Variants in PDE4D observed in about 807,000 individuals in gnomAD.
PDE4D encodes the protein 3',5'-cyclic-AMP phosphodiesterase 4D.
A neutral mutation model predicts 87.4 loss-of-function variants in PDE4D; 24 were observed. The observed-to-expected ratio is 0.27, with a 90% CI of 0.20 to 0.39. The LOEUF (loss-of-function observed/expected upper bound fraction) is 0.39, where lower values mean the gene tolerates loss of function less well. Among genes scored for constraint, PDE4D ranks in the 10% least tolerant of loss-of-function variants. The pLI, the probability that PDE4D is intolerant of heterozygous loss-of-function variation, is 1.00. For missense variants in PDE4D, 714 were observed against 1,041.0 expected (o/e 0.69, Z 4.32); for synonymous variants, 384 against 383.2 (o/e 1.00, Z -0.02).
At chr5:59,606,021 C>T (rs1014047476) in intron 1 of PDE4D, among the ~76,000 whole-genome samples, 8 of 151,898 alleles carry the variant, frequency 5.3e-5, no homozygotes, top group African/African-American at 1.9e-4. Flanking sequence ...TAAATAAGAA[C>T]AGTTGATATA....
chr5:60,343,664 T>C (rs1583476869), intron 1 of PDE4D, among the ~76,000 whole-genome samples: 2 of 152,040 alleles, frequency 1.3e-5, no homozygotes, highest in Non-Finnish European at 2.9e-5. Flanking sequence ...GCTACAAGAC[T>C]GGAGGGTCGA....
intron 1 of PDE4D, among the ~76,000 whole-genome samples, chr5:59,253,973 C>T (rs1760481283): frequency 6.6e-6 from 1 of 152,066 alleles, no homozygotes; most frequent in African/African-American, 2.4e-5. Flanking sequence ...ACTAATTTAA[C>T]CAAAGGCAGA....
intron 1 of PDE4D, chr5:59,275,277 T>C (rs1243195895): frequency 1.5e-6 from 2 of 1,310,562 alleles, no homozygotes; most frequent in Non-Finnish European, 2.2e-6. Context: ...TACTAAATAC[T>C]CAAGGAGTAC....
intron 1 of PDE4D, among the ~76,000 whole-genome samples, chr5:60,340,071 C>T (rs952487460): frequency 6.6e-6 from 1 of 152,212 alleles, no homozygotes; most frequent in African/African-American, 2.4e-5. Flanking sequence ...GTGCATGTGG[C>T]TTTGGAGCGC....
chr5:60,005,236 G>T (rs1764361775), intron 2 of PDE4D, among the ~76,000 whole-genome samples: 1 of 152,114 alleles, frequency 6.6e-6, no homozygotes, highest in Admixed American at 6.6e-5. Context: ...TTGCTTATAT[G>T]TGTAATCTAA....
chr5:59,933,514 C>T (rs1447520404), intron 3 of PDE4D, among the ~76,000 whole-genome samples: 1 of 152,170 alleles, frequency 6.6e-6, no homozygotes. Context: ...AGGGCTCCTA[C>T]TATGTGCCAA....
intron 5 of PDE4D, among the ~76,000 whole-genome samples, chr5:59,133,140 G>C (rs1202236720): frequency 6.6e-6 from 1 of 151,998 alleles, no homozygotes; most frequent in Admixed American, 6.6e-5. Context: ...TGAAAATGCT[G>C]TCACATGCAT....
At chr5:60,318,608 T>G (rs1053219046) in intron 1 of PDE4D, among the ~76,000 whole-genome samples, 1 of 152,212 alleles carries the variant, frequency 6.6e-6, no homozygotes, top group African/African-American at 2.4e-5. Flanking sequence ...GGCATGTTTT[T>G]GCAGTGGCTG....
intron 1 of PDE4D, among the ~76,000 whole-genome samples, chr5:59,289,996 A>C (rs1255734232): frequency 6.6e-6 from 1 of 151,964 alleles, no homozygotes; most frequent in Non-Finnish European, 1.5e-5. Context: ...TCTATCAACT[A>C]TCAAATACTA....
intron 1 of PDE4D, among the ~76,000 whole-genome samples, chr5:59,752,319 T>C (rs1760598124): frequency 6.6e-6 from 1 of 152,222 alleles, no homozygotes; most frequent in Admixed American, 6.5e-5. Context: ...TTTTGTTAAA[T>C]ATATCATTTG....
At chr5:59,897,613 C>G (rs1009307269), upstream of PDE4D, among the ~76,000 whole-genome samples, 2 of 152,006 alleles carry the variant, frequency 1.3e-5, no homozygotes, top group Non-Finnish European at 2.9e-5. Flanking sequence ...CATCCCACCC[C>G]CCGACAGGCC....
At chr5:59,871,107 G>A (rs1276545841) in intron 1 of PDE4D, among the ~76,000 whole-genome samples, 1 of 152,084 alleles carries the variant, frequency 6.6e-6, no homozygotes, top group Non-Finnish European at 1.5e-5. Context: ...TTAACCAGTG[G>A]AATATGGCAA....
chr5:59,116,137 T>A (rs573581496), intron 5 of PDE4D, among the ~76,000 whole-genome samples: 2 of 152,288 alleles, frequency 1.3e-5, no homozygotes, highest in Middle Eastern at 6.8e-3. Flanking sequence ...TTGTCCAAAT[T>A]CATTAGCAAC....
intron 1 of PDE4D, among the ~76,000 whole-genome samples, chr5:60,434,327 A>G (rs1345668004): frequency 6.6e-6 from 1 of 152,208 alleles, no homozygotes; most frequent in East Asian, 1.9e-4. Context: ...AGACTTTCAT[A>G]AGTGATGGGG....
intron 6 of PDE4D, among the ~76,000 whole-genome samples, chr5:58,995,764 A>C (rs1442509851): frequency 1.3e-5 from 2 of 152,196 alleles, no homozygotes; most frequent in African/African-American, 2.4e-5. Context: ...CCTCTTTCTC[A>C]AATCCCATAA....
intron 1 of PDE4D, among the ~76,000 whole-genome samples, chr5:60,330,081 C>G (rs1757183437): frequency 6.6e-6 from 1 of 152,090 alleles, no homozygotes; most frequent in Non-Finnish European, 1.5e-5. Context: ...TGACTACACT[C>G]TTGGTGAGTC....
intron 2 of PDE4D, among the ~76,000 whole-genome samples, chr5:60,066,928 A>AT (rs750525598): frequency 6.6e-6 from 1 of 152,152 alleles, no homozygotes; most frequent in Non-Finnish European, 1.5e-5. Context: ...GTCACCATCT[A>AT]TAAGTTTTTC....
At position 59,355,671 on chromosome 5, in the gene PDE4D, G is replaced by T. The variant is rs146989128; in HGVS notation, c.456-139703C>A. Reference sequence around the variant, plus strand: ...AATGGAGTTAATACCTATACCTTTAGCTGGCAAATTATATTTACCTCTTGC... The same window carrying T: ...AATGGAGTTAATACCTATACCTTTATCTGGCAAATTATATTTACCTCTTGC... On this transcript the variant is annotated intron_variant, in intron 1 of 14. Transcript: ENST00000340635. Among the ~76,000 whole-genome samples the T allele has an allele frequency of 5.9e-5, 9 of 152,018 alleles. No homozygotes were observed. In the East Asian group the frequency reaches 1.7e-3, roughly 29 times the overall value.
intron 1 of PDE4D, among the ~76,000 whole-genome samples, chr5:60,241,385 T>A (rs1583186005): frequency 6.7e-6 from 1 of 150,342 alleles, no homozygotes; most frequent in African/African-American, 2.4e-5. Context: ...GCAATTCTCC[T>A]GCCTCAGCCT....
Sources: gnomAD v4.1 joint callset for allele counts (sites outside exome capture counted in the v4.1 genomes callset) on GRCh38, gnomAD v4.1.1 for gene constraint, MANE v1.5 for transcripts, NCBI Gene and HGNC (gene_info 2026-07-23, HGNC 2026-07-21) for gene names.